Variants in DNAH12 observed in about 807,000 individuals in gnomAD.
DNAH12 encodes axonemal beta dynein heavy chain 12.
In DNAH12, 285 loss-of-function variants were observed where a neutral mutation model predicts 371.5. The ratio of observed to expected loss-of-function variants is 0.77; its 90% confidence interval spans 0.70 to 0.85. DNAH12 has a LOEUF of 0.85. DNAH12 is among the 40% of genes least tolerant of loss of function. The pLI is 0.00. For synonymous variants in DNAH12, 1,200 were observed against 1,213.0 expected (o/e 0.99, Z 0.22); for missense variants, 3,611 against 3,689.4 (o/e 0.98, Z 0.55).
chr3:57,324,579 T>TG (rs1002208723), intron 62 of DNAH12, among the ~76,000 whole-genome samples: 3 of 151,926 alleles, frequency 2.0e-5, no homozygotes, highest in African/African-American at 7.3e-5. Flanking sequence ...GAAAAAAGCC[T>TG]GGGGGGAGGA....
chr3:57,308,289 G>A (rs751024799), intron 69 of DNAH12, among the ~76,000 whole-genome samples: 1 of 152,034 alleles, frequency 6.6e-6, no homozygotes, highest in African/African-American at 2.4e-5. Context: ...TAATGGACCG[G>A]ACTTTATTAG....
At chr3:57,354,839 G>A (rs1016972806) in intron 59 of DNAH12, among the ~76,000 whole-genome samples, 1 of 152,036 alleles carries the variant, frequency 6.6e-6, no homozygotes, top group African/African-American at 2.4e-5. Context: ...ACAAATCCCT[G>A]GAGAATTATG....
At chr3:57,296,716 T>C (rs2061241288) in intron 71 of DNAH12, 131 bp downstream of exon 71, 4 of 1,127,440 alleles carry the variant, frequency 3.5e-6, no homozygotes, top group South Asian at 3.4e-5. Flanking sequence ...TTCTAAGGGA[T>C]AGCAAGACAA....
At chr3:57,533,522 G>A (rs1000654943) in intron 2 of DNAH12, among the ~76,000 whole-genome samples, 6 of 149,102 alleles carry the variant, frequency 4.0e-5, no homozygotes, top group Admixed American at 4.0e-4. Flanking sequence ...CCTGAGTATT[G>A]CTGATAGTTA....
At position 57,507,735 on chromosome 3, in the gene DNAH12, T is replaced by A. The variant is rs770839720; in HGVS notation, c.805A>T (p.Asn269Tyr). The change falls in exon 8 of 74, where the codon AAT (asparagine) becomes TAT (tyrosine). Residue 269 changes from asparagine (N) to tyrosine (Y), a missense_variant. Asn to Tyr is a moderately radical substitution (Grantham distance 143). This residue lies in a region of DNAH12 where 1,314 missense variants were observed against 1,398.7 expected (regional missense o/e 0.94). Coordinates refer to ENST00000495027, the MANE Select transcript of DNAH12 (RefSeq NM_001366028.2). ...AGTGCCTCCTTCTTGGTAAAGAGAT[T>A]TATAACCTTTGGATACCATGTATTC... Reference protein sequence around the residue: ...IMNTWYPKVINLFTKKEALEG... With the variant: ...IMNTWYPKVIYLFTKKEALEG... 1 of 1,611,606 alleles carries A rather than the reference T, an allele frequency of 6.2e-7. No individual in the cohort carries two copies. The highest frequency in any genetic ancestry group is 1.1e-5 in the South Asian group (1 of 90,294).
intron 50 of DNAH12, among the ~76,000 whole-genome samples, chr3:57,380,829 T>C (rs2063374947): frequency 6.6e-6 from 1 of 152,004 alleles, no homozygotes; most frequent in Non-Finnish European, 1.5e-5. Context: ...CTCAAGAACA[T>C]GTTAAACATA....
chr3:57,438,669 C>T (rs1235300768), intron 29 of DNAH12, among the ~76,000 whole-genome samples: 1 of 151,990 alleles, frequency 6.6e-6, no homozygotes, highest in Non-Finnish European at 1.5e-5. Flanking sequence ...AGAATGCAAT[C>T]CGGCCGGGCG....
At chr3:57,354,456 C>A (rs1396034605) in intron 59 of DNAH12, among the ~76,000 whole-genome samples, 5 of 150,382 alleles carry the variant, frequency 3.3e-5, no homozygotes, top group Non-Finnish European at 7.4e-5. Flanking sequence ...ATGTAGTTTA[C>A]CTGTATAACA....
rs1239764470 is a variant in DNAH12 at position 57,421,549 on chromosome 3, T to G, written c.5531A>C (p.Glu1844Ala). The change falls in exon 36 of 74, where the codon GAA becomes GCA. Residue 1844 changes from glutamate to alanine, a missense_variant. By Grantham distance (107) the Glu-to-Ala change is moderately radical. Coordinates refer to ENST00000495027, the MANE Select transcript of DNAH12 (RefSeq NM_001366028.2). ...CATGTAGTCATAGACCAGGCCTTTT[T>G]CATCAAATGGGCATTCCCATTTACC... The part of the protein sequence containing the change: ...SVGKWECPFD[E>A]KGLVYDYMYE... 1.3e-6 allele frequency: 2 copies of G among 1,551,658 alleles called. No individual in the cohort carries two copies. The highest frequency in any genetic ancestry group is 1.7e-6 in the Non-Finnish European group (2 of 1,146,982).
chr3:57,328,606 A>C (rs1375794529), intron 62 of DNAH12, among the ~76,000 whole-genome samples: 2 of 151,474 alleles, frequency 1.3e-5, no homozygotes, highest in Non-Finnish European at 2.9e-5. Context: ...CCAATATCAT[A>C]CTGAATGGGC....
intron 17 of DNAH12, among the ~76,000 whole-genome samples, chr3:57,465,185 G>C (rs2066164233): frequency 6.6e-6 from 1 of 152,170 alleles, no homozygotes; most frequent in Admixed American, 6.6e-5. Flanking sequence ...CTGCAACTGG[G>C]AGCAGAGACT....
rs782164946 is a variant in DNAH12 at position 57,405,885 on chromosome 3, C to T, written c.6344G>A (p.Arg2115His). 6.8e-5 allele frequency: 106 copies of T among 1,551,068 alleles called. No homozygotes were observed. The highest frequency in any genetic ancestry group is 3.7e-4 in the South Asian group (31 of 84,050). Reference protein sequence around the residue: ...PTKSHYTFNLRDFSRVIRGCL... With the variant: ...PTKSHYTFNLHDFSRVIRGCL... ...GCCCCGGATGACGCGTGAAAAATCACGCAAGTTGAAAGTATAATGGGATTT... is the reference window on the plus strand; with the variant it reads ...GCCCCGGATGACGCGTGAAAAATCATGCAAGTTGAAAGTATAATGGGATTT... Residue 2115 changes from arginine (R) to histidine (H), a missense_variant, in exon 41 of 74, where the codon CGT (arginine) becomes CAT (histidine). Transcript: ENST00000495027.
chr3:57,423,986 A>C (rs1490335469), intron 35 of DNAH12, among the ~76,000 whole-genome samples: 1 of 151,470 alleles, frequency 6.6e-6, no homozygotes, highest in African/African-American at 2.4e-5. Flanking sequence ...TGATCTGCCC[A>C]CCTTGGCCTC....
At chr3:57,342,609 G>C (rs1267415991) in intron 60 of DNAH12, among the ~76,000 whole-genome samples, 3 of 118,326 alleles carry the variant, frequency 2.5e-5, no homozygotes, top group African/African-American at 9.9e-5. Context: ...AGTGAGTCAA[G>C]ATCGCACCAC....
intron 69 of DNAH12, among the ~76,000 whole-genome samples, chr3:57,302,444 T>G (rs1015818030): frequency 2.7e-5 from 4 of 146,828 alleles, no homozygotes; most frequent in Non-Finnish European, 4.5e-5. Context: ...GCTAGAAGCC[T>G]GAGCAGCTGA....
rs1281003285 is a variant in DNAH12 at position 57,421,855 on chromosome 3, G to A, written c.5374-149C>T. 4.7e-6 allele frequency: 3 copies of A among 632,624 alleles called. No individual in the cohort carries two copies. In the South Asian group the frequency reaches 6.0e-5, roughly 13 times the overall value. The allele number at this position is 632,624 out of a possible 1,614,324, so 39.2% of individuals were successfully genotyped here. On this transcript the variant is annotated intron_variant, in intron 35 of 73. Transcript: ENST00000495027. ...ATAAAGTAGAATGGAGCACTGCTAA[G>A]CCACATAGTCATTTCTCTGACAATT...
At chr3:57,415,944 A>G (rs905520368) in intron 37 of DNAH12, among the ~76,000 whole-genome samples, 4 of 151,442 alleles carry the variant, frequency 2.6e-5, no homozygotes, top group African/African-American at 9.7e-5. Flanking sequence ...ATGCACCACC[A>G]CACCTGGCTA....
In DNAH12 at chr3:57,404,623, G is replaced by A. The variant is rs529853643; in HGVS notation, c.6755+346C>T. ...TACTCCCAGCTACCTGGGAGGCTGA[G>A]GCAGGAGAATGGCTTGAACCCGGGA... On this transcript the variant is annotated intron_variant, in intron 42 of 73. Coordinates refer to ENST00000495027, the MANE Select transcript of DNAH12 (RefSeq NM_001366028.2). Among the ~76,000 whole-genome samples, 6 of 152,274 alleles carry A rather than the reference G, an allele frequency of 3.9e-5. No homozygotes were observed. The East Asian group carries it at 1.2e-3, about 29-fold the overall frequency.
chr3:57,530,821 G>A (rs6786181), intron 2 of DNAH12: 126,373 of 187,324 alleles, frequency 0.67, 43,066 homozygotes, highest in African/African-American at 0.71. Context: ...TTCTTGTTAC[G>A]TCCCTGCACA....
Sources: allele counts gnomAD v4.1 joint callset (sites outside exome capture counted in the v4.1 genomes callset), GRCh38; gene constraint gnomAD v4.1.1; regional missense constraint gnomAD v4.1.1; transcripts MANE v1.5; gene names NCBI Gene and HGNC (gene_info 2026-07-23, HGNC 2026-07-21).